NR3C2: variants seen among roughly 807,000 people sequenced by gnomAD.
NR3C2 encodes nuclear receptor subfamily 3 group C member 2.
NR3C2 carries 15 observed loss-of-function variants against 86.4 expected under a neutral mutation model. The ratio of observed to expected loss-of-function variants is 0.17; its 90% confidence interval spans 0.12 to 0.27. The LOEUF is 0.27. Among genes scored for constraint, NR3C2 ranks in the 10% least tolerant of loss-of-function variants. The probability of loss-of-function intolerance (pLI) is 1.00; values close to 1 mark genes in which losing one functional copy is unlikely to be tolerated. For synonymous variants in NR3C2, 458 were observed against 450.5 expected (o/e 1.02, Z -0.21); for missense variants, 960 against 1,195.6 (o/e 0.80, Z 2.91).
intron 4 of NR3C2, among the ~76,000 whole-genome samples, chr4:148,162,958 G>A (rs981728004): frequency 2.0e-5 from 3 of 152,186 alleles, no homozygotes; most frequent in African/African-American, 7.2e-5. Context: ...AGAAAAGACT[G>A]CGGTTGACTT....
chr4:148,110,998 G>A (rs192893607), intron 8 of NR3C2, among the ~76,000 whole-genome samples: 162 of 152,268 alleles, frequency 1.1e-3, no homozygotes, highest in Non-Finnish European at 1.6e-3. Context: ...ACTGGACTTC[G>A]TTAAAATTAC....
intron 2 of NR3C2, among the ~76,000 whole-genome samples, chr4:148,282,476 T>C (rs2149897981): frequency 6.6e-6 from 1 of 152,366 alleles, no homozygotes; most frequent in Non-Finnish European, 1.5e-5. Context: ...TAATATATCT[T>C]ACAGCATAAG....
intron 3 of NR3C2, among the ~76,000 whole-genome samples, chr4:148,238,979 A>C (rs958884776): frequency 1.3e-5 from 2 of 152,312 alleles, no homozygotes; most frequent in Admixed American, 1.3e-4. Context: ...TCTGAGTCCA[A>C]GGGCCGGAGG....
intron 3 of NR3C2, among the ~76,000 whole-genome samples, chr4:148,257,274 T>C (rs1490371635): frequency 6.6e-6 from 1 of 152,164 alleles, no homozygotes; most frequent in African/African-American, 2.4e-5. Context: ...TGTATATACA[T>C]ACAAAGTCAC....
intron 2 of NR3C2, among the ~76,000 whole-genome samples, chr4:148,298,542 T>A (rs1742174560): frequency 6.6e-6 from 1 of 152,236 alleles, no homozygotes; most frequent in Non-Finnish European, 1.5e-5. Flanking sequence ...AAGTCACAGC[T>A]AAATTAAAAA....
At chr4:148,435,018 T>C in intron 2 of NR3C2, 86 bp downstream of exon 2, 1 of 1,300,984 alleles carries the variant, frequency 7.7e-7, no homozygotes, top group African/African-American at 1.5e-5. Context: ...CTGAAATGTG[T>C]TTAAATTTAT....
intron 8 of NR3C2, among the ~76,000 whole-genome samples, chr4:148,097,516 A>C (rs1382685103): frequency 5.9e-5 from 9 of 152,308 alleles, no homozygotes. Flanking sequence ...ATCGTGCTGC[A>C]CTTTGGCCCA....
rs72648710 is a variant in NR3C2 at position 148,080,886 on chromosome 4, G to GT, written c.*457dup. 94 of 360,922 alleles carry GT rather than the reference G, an allele frequency of 2.6e-4. No homozygotes were observed. Among genetic ancestry groups the GT allele is most frequent in the African/African-American group, 1.6e-3 (77 of 46,720 alleles). The allele number at this position is 360,922 out of a possible 1,614,324, so 22.4% of individuals were successfully genotyped here. A position where few individuals can be genotyped will look rare whatever the true frequency, so the allele number is the denominator to read the frequency against. On this transcript the variant is annotated 3_prime_UTR_variant, in exon 9 of 9. Transcript: ENST00000358102. ...ATATATTTTTTTATTATTTTTTTGT[G>GT]TTTTTTTAATAACAAAAGAATATTA...
intron 2 of NR3C2, among the ~76,000 whole-genome samples, chr4:148,352,483 A>G (rs114735108): frequency 4.7e-4 from 71 of 151,958 alleles, no homozygotes; most frequent in African/African-American, 1.7e-3. Flanking sequence ...CTCTTCACCC[A>G]GGGGTTGCAA....
chr4:148,406,083 T>C (rs1204375875), intron 2 of NR3C2, among the ~76,000 whole-genome samples: 1 of 152,116 alleles, frequency 6.6e-6, no homozygotes, highest in Non-Finnish European at 1.5e-5. Context: ...GGAGGACTGC[T>C]TGAGCCCAGG....
chr4:148,363,521 T>TTTTTTTTTTTTTTA (rs1579208008), intron 2 of NR3C2, among the ~76,000 whole-genome samples: 1 of 148,236 alleles, frequency 6.7e-6, no homozygotes, highest in African/African-American at 2.5e-5. Context: ...TTTTTTTTTT[T>TTTTTTTTTTTTTTA]GAGACGGAGT....
chr4:148,229,362 T>G (rs1738347826), intron 3 of NR3C2, among the ~76,000 whole-genome samples: 1 of 152,186 alleles, frequency 6.6e-6, no homozygotes, highest in Admixed American at 6.5e-5. Flanking sequence ...TTTTACCTAA[T>G]AAATCTGCCC....
At chr4:148,322,927 T>C (rs1431733605) in intron 2 of NR3C2, among the ~76,000 whole-genome samples, 2 of 145,298 alleles carry the variant, frequency 1.4e-5, no homozygotes, top group East Asian at 2.2e-4. Flanking sequence ...GGTGAGGAAC[T>C]GCGTTCCTTT....
chr4:148,388,998 T>C (rs905112164), intron 2 of NR3C2, among the ~76,000 whole-genome samples: 1 of 152,224 alleles, frequency 6.6e-6, no homozygotes, highest in Non-Finnish European at 1.5e-5. Flanking sequence ...GCTACCAGAT[T>C]ATACCTAATT....
At chr4:148,396,338 G>A (rs552768457) in intron 2 of NR3C2, among the ~76,000 whole-genome samples, 1 of 152,138 alleles carries the variant, frequency 6.6e-6, no homozygotes, top group East Asian at 1.9e-4. Context: ...GTTTTCCCTG[G>A]GGCAAAGTTT....
intron 3 of NR3C2, among the ~76,000 whole-genome samples, chr4:148,211,084 GAAGACAGGA>G (rs1263502974): frequency 7.9e-5 from 12 of 152,224 alleles, no homozygotes; most frequent in Non-Finnish European, 1.6e-4. Flanking sequence ...GCAAACTGCT[GAAGACAGGA>G]AAGGGAGTAA....
chr4:148,225,977 T>C (rs1035905167), intron 3 of NR3C2, among the ~76,000 whole-genome samples: 1 of 152,178 alleles, frequency 6.6e-6, no homozygotes, highest in African/African-American at 2.4e-5. Flanking sequence ...CTGTAATGCA[T>C]AATATATTAA....
chr4:148,288,038 T>C (rs967355514), intron 2 of NR3C2, among the ~76,000 whole-genome samples: 2 of 152,154 alleles, frequency 1.3e-5, no homozygotes, highest in African/African-American at 4.8e-5. Flanking sequence ...CATAAAATCA[T>C]TTCCATAAAA....
At chr4:148,424,719 AAAAC>A (rs1338039651) in intron 2 of NR3C2, among the ~76,000 whole-genome samples, 2 of 152,160 alleles carry the variant, frequency 1.3e-5, no homozygotes, top group East Asian at 3.8e-4. Context: ...AGAAAAAAAA[AAAAC>A]AAAATTATAC....
Sources: allele counts gnomAD v4.1 joint callset (sites outside exome capture counted in the v4.1 genomes callset), GRCh38; gene constraint gnomAD v4.1.1; transcripts MANE v1.5; gene names NCBI Gene and HGNC (gene_info 2026-07-23, HGNC 2026-07-21).